Variants in ATP10D observed in about 807,000 individuals in gnomAD.
ATP10D encodes ATPase phospholipid transporting 10D (putative).
Under a neutral mutation model 144.8 loss-of-function variants are expected in ATP10D, and 89 were observed. The observed-to-expected ratio is 0.61, with a 90% confidence interval of 0.52 to 0.73. The LOEUF is 0.73. ATP10D is among the 30% of genes least tolerant of loss of function. The probability of loss-of-function intolerance (pLI) is 0.00; values close to 1 mark genes in which losing one functional copy is unlikely to be tolerated. For missense variants in ATP10D, 1,603 were observed against 1,714.8 expected, an observed-to-expected ratio of 0.93 and a Z score of 1.15; for synonymous variants, 571 against 615.1, an observed-to-expected ratio of 0.93 and a Z score of 1.06.
chr4:47,539,162 A>C (rs114511039), intron 9 of ATP10D, among the ~76,000 whole-genome samples: 1,634 of 152,158 alleles, frequency 0.011, 32 homozygotes, highest in African/African-American at 0.038. Flanking sequence ...AAATTTGTCA[A>C]TTATTATGAA....
intron 1 of ATP10D, among the ~76,000 whole-genome samples, chr4:47,489,163 G>A (rs1360910581): frequency 6.6e-6 from 1 of 152,162 alleles, no homozygotes; most frequent in East Asian, 1.9e-4. Context: ...AATTGTCTAA[G>A]GTTAGGGTAG....
chr4:47,582,099 A>G (rs759022276), intron 21 of ATP10D, 35 bp downstream of exon 21: 1 of 1,518,468 alleles, frequency 6.6e-7, no homozygotes, highest in Non-Finnish European at 9.1e-7. Flanking sequence ...GTAGCCTAAA[A>G]TCTTTTATGC....
intron 3 of ATP10D, among the ~76,000 whole-genome samples, chr4:47,520,872 A>G (rs1265660692): frequency 6.6e-6 from 1 of 151,968 alleles, no homozygotes; most frequent in Non-Finnish European, 1.5e-5. Flanking sequence ...CGGCCTCTGT[A>G]ACTTCTAATT....
intron 20 of ATP10D, 46 bp downstream of exon 20, chr4:47,580,524 A>G (rs767752845): frequency 2.2e-5 from 34 of 1,536,306 alleles, no homozygotes; most frequent in Non-Finnish European, 2.7e-5. Context: ...TGAATCAATG[A>G]TGCTTCTTTG....
chr4:47,508,951 T>C (rs1331532039), intron 1 of ATP10D, among the ~76,000 whole-genome samples: 1 of 152,204 alleles, frequency 6.6e-6, no homozygotes, highest in Non-Finnish European at 1.5e-5. Flanking sequence ...CTTGATGAGG[T>C]ATGACTTACT....
At chr4:47,550,673 G>C (rs974229349) in intron 10 of ATP10D, among the ~76,000 whole-genome samples, 2 of 152,184 alleles carry the variant, frequency 1.3e-5, no homozygotes, top group Non-Finnish European at 2.9e-5. Context: ...TAGAAGCCAT[G>C]GGTCACGGAA....
chr4:47,493,648 A>T (rs959995172), intron 1 of ATP10D, among the ~76,000 whole-genome samples: 2 of 152,190 alleles, frequency 1.3e-5, no homozygotes, highest in African/African-American at 4.8e-5. Flanking sequence ...ATAAGTCCAG[A>T]GTAGATTTGA....
Position 47,591,120 on chromosome 4 carries a change from A to C in ATP10D, c.4020A>C (p.Pro1340=), listed in dbSNP as rs1721020680. ...CTAAGCACTTTGACAGACTAACTCC[A>C]GAGGAGAGGACTAAAGCTCTCAAGA... ...LRAKHFDRLT[P]EERTKALKKW... Residue 1340 remains proline (P), a synonymous_variant, in exon 23 of 23, where the codon CCA becomes CCC. Coordinates refer to ENST00000273859, the MANE Select transcript of ATP10D (RefSeq NM_020453.4). The C allele has an allele frequency of 1.9e-6, 3 of 1,613,318 alleles. No individual in the cohort carries two copies. In the South Asian group the frequency reaches 3.3e-5, roughly 18 times the overall value.
At chr4:47,561,116 G>GA (rs1560446220) in intron 14 of ATP10D, 41 bp downstream of exon 14, 2 of 1,608,456 alleles carry the variant, frequency 1.2e-6, no homozygotes, top group Non-Finnish European at 1.7e-6. Context: ...GGAGGATTTT[G>GA]AAAAACACTG....
At chr4:47,545,260 A>G (rs568144443) in intron 9 of ATP10D, among the ~76,000 whole-genome samples, 1 of 152,364 alleles carries the variant, frequency 6.6e-6, no homozygotes, top group East Asian at 1.9e-4. Flanking sequence ...TAGAAAGAGA[A>G]GTGAAGTTAG....
intron 5 of ATP10D, among the ~76,000 whole-genome samples, chr4:47,533,910 T>A (rs555452095): frequency 6.6e-6 from 1 of 152,294 alleles, no homozygotes; most frequent in South Asian, 2.1e-4. Flanking sequence ...AGGACTTAAA[T>A]GAGTCACAAC....
intron 5 of ATP10D, among the ~76,000 whole-genome samples, chr4:47,529,924 G>A (rs976765799): frequency 6.6e-6 from 1 of 152,036 alleles, no homozygotes. Flanking sequence ...ATGAGATTGA[G>A]TTCTTTATTT....
rs1192378861 is a variant in ATP10D at position 47,546,762 on chromosome 4, A to C, written c.1535A>C (p.Lys512Thr). 1 of 1,614,086 alleles carries C rather than the reference A, an allele frequency of 6.2e-7. No homozygotes were observed. The highest frequency in any genetic ancestry group is 8.5e-7 in the Non-Finnish European group (1 of 1,179,996). ...GTTCATAATGGGCCTTTGGGAAATAAGCCCTCAAATCATCTTGCTGGGAGC... is the reference window on the plus strand; with the variant it reads ...GTTCATAATGGGCCTTTGGGAAATACGCCCTCAAATCATCTTGCTGGGAGC... Reference protein sequence around the residue: ...RTVHNGPLGNKPSNHLAGSSF... With the variant: ...RTVHNGPLGNTPSNHLAGSSF... The change falls in exon 10 of 23, where the codon AAG becomes ACG. Residue 512 changes from lysine to threonine, a missense_variant. Physicochemically the swap from Lys to Thr is moderately conservative, Grantham distance 78. Transcript: ENST00000273859.
intron 5 of ATP10D, among the ~76,000 whole-genome samples, chr4:47,528,981 TTTG>T (rs1260367108): frequency 6.6e-6 from 1 of 152,056 alleles, no homozygotes; most frequent in African/African-American, 2.4e-5. Context: ...GTTGATGTCT[TTTG>T]TCTACTGTTT....
Position 47,505,651 on chromosome 4 carries a change from G to A in ATP10D, c.-37-6853G>A, listed in dbSNP as rs1368574097. ...CTTGTGAAGCTGTGGTGGAAGGATC[G>A]CTTGAACCAGGGAGGCAGAGATTGC... On this transcript the variant is annotated intron_variant, in intron 1 of 22. Transcript: ENST00000273859. 8.5e-5 allele frequency among the ~76,000 whole-genome samples: 13 copies of A among 152,088 alleles called. No individual in the cohort carries two copies. The South Asian group carries it at 2.3e-3, about 27-fold the overall frequency.
rs552299579 is a variant in ATP10D at position 47,569,107 on chromosome 4, T to C, written c.3124T>C (p.Leu1042=). 25 of 1,614,002 alleles carry C rather than the reference T, an allele frequency of 1.5e-5. No homozygotes were observed. Among genetic ancestry groups the C allele is most frequent in the Middle Eastern group, 1.7e-4 (1 of 5,934 alleles). ...GCTGCAGAAAAGTGAAGTGGTGAAA[T>C]TGGTCCGCAGCCATCTCCAGGTGAT... The part of the protein sequence containing the change: ...TPLQKSEVVK[L]VRSHLQVMTL... Residue 1042 remains leucine, a synonymous_variant, in exon 16 of 23, where the codon TTG becomes CTG. Coordinates refer to ENST00000273859, the MANE Select transcript of ATP10D (RefSeq NM_020453.4).
intron 1 of ATP10D, among the ~76,000 whole-genome samples, chr4:47,487,227 C>T (rs62300107): frequency 1.1e-3 from 1 of 920 alleles, no homozygotes; most frequent in African/African-American, 2.4e-3. Context: ...AAAACTCCGT[C>T]CCCCAAAAAA....
chr4:47,502,465 G>C (rs1010805842), intron 1 of ATP10D, among the ~76,000 whole-genome samples: 2 of 135,656 alleles, frequency 1.5e-5, no homozygotes, highest in East Asian at 2.0e-4. Flanking sequence ...GTGAGACTAC[G>C]TCTCATAAAA....
intron 2 of ATP10D, 113 bp downstream of exon 2, chr4:47,512,943 C>T (rs1215554359): frequency 1.9e-6 from 2 of 1,059,544 alleles, no homozygotes; most frequent in Non-Finnish European, 2.6e-6. Context: ...GTGACATCAT[C>T]CTTGACAATT....
Sources: gnomAD v4.1 joint callset for allele counts (sites outside exome capture counted in the v4.1 genomes callset) on GRCh38, gnomAD v4.1.1 for gene constraint, MANE v1.5 for transcripts, NCBI Gene and HGNC (gene_info 2026-07-23, HGNC 2026-07-21) for gene names.